Variants in RASEF observed in about 807,000 individuals in gnomAD.
The protein encoded by RASEF is ras and EF-hand domain-containing protein.
Under a neutral mutation model 90.1 loss-of-function variants are expected in RASEF, and 68 were observed. That is an observed-to-expected ratio of 0.75 (90% CI 0.62 to 0.92). RASEF has a LOEUF of 0.92. Ranked by LOEUF, RASEF falls within the 40% of genes least tolerant of loss-of-function variation. The pLI, the probability that RASEF is intolerant of heterozygous loss-of-function variation, is 0.00. For synonymous variants in RASEF, 331 were observed against 345.2 expected (o/e 0.96, Z 0.46); for missense variants, 949 against 937.2 (o/e 1.01, Z -0.16).
At chr9:83,016,322 C>T (rs1009119925) in intron 3 of RASEF, among the ~76,000 whole-genome samples, 1 of 152,050 alleles carries the variant, frequency 6.6e-6, no homozygotes, top group African/African-American at 2.4e-5. Flanking sequence ...GATGTCTTAT[C>T]TAAATCCCAA....
chr9:83,192,119 A>T, the RASEF span, among the ~76,000 whole-genome samples: 2 of 152,186 alleles, frequency 1.3e-5, no homozygotes, highest in African/African-American at 4.8e-5. Context: ...AGTGTAAATT[A>T]GTTCAGTCAT....
intron 15 of RASEF, among the ~76,000 whole-genome samples, chr9:82,992,047 T>C (rs1261922743): frequency 6.6e-6 from 1 of 152,214 alleles, no homozygotes; most frequent in Admixed American, 6.5e-5. Context: ...AGTTTTGACA[T>C]TTATCACATT....
chr9:83,005,151 A>C (rs1829105084), intron 8 of RASEF, among the ~76,000 whole-genome samples: 1 of 152,218 alleles, frequency 6.6e-6, no homozygotes, highest in Admixed American at 6.5e-5. Flanking sequence ...TTTCAGGCCA[A>C]AGATCCCATC....
chr9:83,178,679 T>C, the RASEF span, among the ~76,000 whole-genome samples: 1 of 152,192 alleles, frequency 6.6e-6, no homozygotes, highest in Middle Eastern at 3.2e-3. Flanking sequence ...ATTGAATTCC[T>C]TTTATTCTCC....
the RASEF span, among the ~76,000 whole-genome samples, chr9:83,091,999 A>ATTTTTTTTTTTTTTTTTTT: frequency 5.8e-5 from 1 of 17,240 alleles, no homozygotes; most frequent in African/African-American, 2.4e-4. Flanking sequence ...TTTTTCTTTT[A>ATTTTTTTTTTTTTTTTTTT]TTTCTTTTTT....
At chr9:83,055,800 C>G (rs1830092441) in intron 1 of RASEF, 1 of 623,630 alleles carries the variant, frequency 1.6e-6, no homozygotes, top group Non-Finnish European at 2.9e-6. Flanking sequence ...CTAAAACTCC[C>G]AAAGATATAT....
chr9:83,066,818 T>C (rs368260555), upstream of RASEF, among the ~76,000 whole-genome samples: 1 of 152,258 alleles, frequency 6.6e-6, no homozygotes, highest in East Asian at 1.9e-4. Flanking sequence ...AGCTGTTTGA[T>C]CGAATATTTC....
At chr9:83,189,986 C>A in the RASEF span, among the ~76,000 whole-genome samples, 16 of 152,186 alleles carry the variant, frequency 1.1e-4, no homozygotes, top group African/African-American at 3.9e-4. Context: ...GGCCTAGGCT[C>A]TTGCTGTTCT....
At chr9:83,072,620 A>G in the RASEF span, among the ~76,000 whole-genome samples, 2 of 152,186 alleles carry the variant, frequency 1.3e-5, no homozygotes, top group Non-Finnish European at 2.9e-5. Flanking sequence ...CCACTAGTGT[A>G]AGTCCAAGAT....
the RASEF span, among the ~76,000 whole-genome samples, chr9:83,164,355 A>G: frequency 0.02 from 2,928 of 145,766 alleles, 127 homozygotes; most frequent in African/African-American, 0.069. Context: ...GTGTATATAT[A>G]TATATATATA....
chr9:83,055,410 C>T (rs1334326192), intron 1 of RASEF: 12 of 539,842 alleles, frequency 2.2e-5, no homozygotes, highest in Non-Finnish European at 3.4e-5. Flanking sequence ...GGCTCGCGCA[C>T]GGTGCGCGCA....
chr9:83,102,474 G>A, the RASEF span, among the ~76,000 whole-genome samples: 1 of 152,198 alleles, frequency 6.6e-6, no homozygotes, highest in African/African-American at 2.4e-5. Flanking sequence ...GGCCACAAAA[G>A]GACCTTGTGT....
At position 83,028,701 on chromosome 9, in the gene RASEF, T is replaced by C. The variant is rs184313478; in HGVS notation, c.432-2780A>G. ...AGTTATACGTAGCGAGTAGTCACCA[T>C]ATTCCTGGTAATGTGTAAGGAAATG... is the stretch of plus-strand genomic sequence containing the variant. On this transcript the variant is annotated intron_variant, in intron 1 of 16. Coordinates refer to ENST00000376447, the MANE Select transcript of RASEF (RefSeq NM_152573.4). Among the ~76,000 whole-genome samples the C allele has an allele frequency of 1.2e-3, 188 of 152,338 alleles. 1 individual carries two copies. Among genetic ancestry groups the C allele is most frequent in the African/African-American group, 4.2e-3 (176 of 41,578 alleles).
At chr9:83,035,706 A>G (rs1225153797) in intron 1 of RASEF, among the ~76,000 whole-genome samples, 1 of 152,204 alleles carries the variant, frequency 6.6e-6, no homozygotes, top group Non-Finnish European at 1.5e-5. Context: ...TAGGTATATT[A>G]TAGTTATTTT....
chr9:83,006,088 T>C (rs193213560), intron 7 of RASEF, among the ~76,000 whole-genome samples: 46 of 152,298 alleles, frequency 3.0e-4, no homozygotes, highest in African/African-American at 9.4e-4. Flanking sequence ...AAAGCTATGA[T>C]TCCACAGCTC....
chr9:83,116,867 C>T, the RASEF span, among the ~76,000 whole-genome samples: 2 of 152,140 alleles, frequency 1.3e-5, no homozygotes, highest in Admixed American at 1.3e-4. Flanking sequence ...ATCTATTCAA[C>T]ACCTCTTCCT....
At position 83,025,796 on chromosome 9, in the gene RASEF, T is replaced by C; in HGVS notation, c.557A>G (p.Asn186Ser). ...ATACCTCTTCACCGCAATGGCCAAA[T>C]TTTCCATTTCTGTGCTTTGAAGTCT... Reference protein sequence around the residue: ...EIRLQSTEMENLAIAVKRAQD... With the variant: ...EIRLQSTEMESLAIAVKRAQD... The change falls in exon 2 of 17, where the codon AAT (asparagine) becomes AGT (serine). Residue 186 changes from asparagine (N) to serine (S), a missense_variant. Physicochemically the swap from Asn to Ser is conservative, Grantham distance 46. This residue lies in a region of RASEF where 656 missense variants were observed against 592.2 expected (regional missense o/e 1.11). Transcript: ENST00000376447. The C allele has an allele frequency of 6.2e-7, 1 of 1,613,822 alleles. No homozygotes were observed. Among genetic ancestry groups the C allele is most frequent in the Non-Finnish European group, 8.5e-7 (1 of 1,179,922 alleles).
chr9:82,988,137 T>A (rs139673835), intron 16 of RASEF, among the ~76,000 whole-genome samples: 2 of 152,294 alleles, frequency 1.3e-5, no homozygotes, highest in East Asian at 3.9e-4. Flanking sequence ...ACACAACCAT[T>A]TGAAAAGTAA....
chr9:83,012,735 T>C (rs1455005338), intron 4 of RASEF, among the ~76,000 whole-genome samples: 1 of 152,236 alleles, frequency 6.6e-6, no homozygotes, highest in African/African-American at 2.4e-5. Flanking sequence ...GAAATGAACT[T>C]TTTTGGAAAC....
Sources: gnomAD v4.1 joint callset for allele counts (sites outside exome capture counted in the v4.1 genomes callset) on GRCh38, gnomAD v4.1.1 for gene constraint, gnomAD v4.1.1 regional missense constraint, MANE v1.5 for transcripts, NCBI Gene and HGNC (gene_info 2026-07-23, HGNC 2026-07-21) for gene names.